CEP57L1: variants seen among roughly 807,000 people sequenced by gnomAD.
CEP57L1 encodes the protein centrosomal protein CEP57L1.
In CEP57L1, 37 loss-of-function variants were observed where a neutral mutation model predicts 61.0. The observed-to-expected ratio is 0.61, with a 90% CI of 0.47 to 0.80. The LOEUF (loss-of-function observed/expected upper bound fraction) is 0.80. Among genes scored for constraint, CEP57L1 ranks in the 30% least tolerant of loss-of-function variants. The pLI, the probability that CEP57L1 is intolerant of heterozygous loss-of-function variation, is 0.00. For missense variants in CEP57L1, 422 were observed against 524.7 expected (o/e 0.80, Z 1.91); for synonymous variants, 137 against 162.3 (o/e 0.84, Z 1.19).
At chr6:109,159,248 A>T in intron 8 of CEP57L1, 21 bp from the exon 9 acceptor site, 5 of 1,614,124 alleles carry the variant, frequency 3.1e-6, no homozygotes, top group Non-Finnish European at 4.2e-6. Flanking sequence ...TGTGAATGCA[A>T]GTATGCAAAA....
rs1781580845 is a variant in CEP57L1 at position 109,095,518 on chromosome 6, T to C, written c.-61T>C. On this transcript the variant is annotated 5_prime_UTR_variant, in exon 1 of 11. Transcript: ENST00000517392. The stretch of plus-strand genomic sequence containing the variant: ...CCAGGGGCCACCGCGACGTTGCCTG[T>C]GGGTGCCCGCGAACCAACGGTTAGC... 5 of 985,838 alleles carry C rather than the reference T, an allele frequency of 5.1e-6. No individual in the cohort carries two copies. The highest frequency in any genetic ancestry group is 6.0e-6 in the Non-Finnish European group (5 of 829,940). The allele number at this position is 985,838 out of a possible 1,614,324, so 61.1% of individuals were successfully genotyped here.
At chr6:109,137,235 T>A (rs373213058) in intron 1 of CEP57L1, among the ~76,000 whole-genome samples, 16 of 152,318 alleles carry the variant, frequency 1.1e-4, no homozygotes, top group East Asian at 9.6e-4. Flanking sequence ...TTTACTAAGT[T>A]ATAATTTTGT....
At chr6:109,146,705 G>T in intron 2 of CEP57L1, 53 bp from the exon 3 acceptor site, 1 of 1,182,470 alleles carries the variant, frequency 8.5e-7, no homozygotes, top group Non-Finnish European at 1.2e-6. Context: ...TACTTTGATT[G>T]TAAGTGTTCA....
intron 1 of CEP57L1, among the ~76,000 whole-genome samples, chr6:109,134,755 C>T (rs1481608744): frequency 6.6e-6 from 1 of 152,066 alleles, no homozygotes; most frequent in African/African-American, 2.4e-5. Flanking sequence ...CACAAGCATT[C>T]TTATACACCA....
At chr6:109,104,046 T>G (rs1039279199) in intron 1 of CEP57L1, among the ~76,000 whole-genome samples, 6 of 151,372 alleles carry the variant, frequency 4.0e-5, no homozygotes, top group Non-Finnish European at 7.4e-5. Flanking sequence ...TTTTGTTTTT[T>G]TTTTTTTCAA....
rs1043460607 is a variant in CEP57L1, at chr6:109,152,650, T to C, written c.463-1183T>C. Among the ~76,000 whole-genome samples, 42 of 98,478 alleles carry C rather than the reference T, an allele frequency of 4.3e-4. 1 individual carries two copies. The highest frequency in any genetic ancestry group is 4.0e-3 in the East Asian group (17 of 4,280). 64.6% of individuals were successfully genotyped at this position (98,478 alleles called of 152,430 possible). A position where few individuals can be genotyped will look rare whatever the true frequency, so the allele number is the denominator to read the frequency against. The stretch of plus-strand genomic sequence containing the variant: ...AGATGTGCGTGCGTGTGTGTGTGTG[T>C]GTGTGTGTGTGTGTGTGTGTGTGTG... On this transcript the variant is annotated intron_variant, in intron 4 of 10. Coordinates refer to ENST00000517392, the MANE Select transcript of CEP57L1 (RefSeq NM_001271852.3).
Position 109,171,534 on chromosome 6 carries a change from CG to C in CEP57L1, c.*8565del, listed in dbSNP as rs1379746027. On this transcript the variant is annotated 3_prime_UTR_variant, in exon 11 of 11. Coordinates refer to ENST00000517392, the MANE Select transcript of CEP57L1 (RefSeq NM_001271852.3). ...TGCTGGGATTACAGGTGTGAGCCAC[CG>C]CGCCCTGCCTAGAGTTTGATTCTCT... Among the ~76,000 whole-genome samples the C allele has an allele frequency of 2.0e-5, 3 of 151,972 alleles. No individual in the cohort carries two copies. The highest frequency in any genetic ancestry group is 4.4e-5 in the Non-Finnish European group (3 of 68,006).
chr6:109,112,194 T>C (rs1213046902), intron 1 of CEP57L1, among the ~76,000 whole-genome samples: 2 of 152,186 alleles, frequency 1.3e-5, no homozygotes, highest in Non-Finnish European at 2.9e-5. Context: ...GCCCCCTCAA[T>C]TTCAGAACCT....
At chr6:109,112,268 C>T (rs201847949) in intron 1 of CEP57L1, among the ~76,000 whole-genome samples, 30 of 151,966 alleles carry the variant, frequency 2.0e-4, no homozygotes, top group East Asian at 1.7e-3. Context: ...GTATGTGCCC[C>T]GGAATTTATC....
At chr6:109,162,480 A>G (rs919742682) in intron 10 of CEP57L1, among the ~76,000 whole-genome samples, 2 of 152,016 alleles carry the variant, frequency 1.3e-5, no homozygotes, top group African/African-American at 4.8e-5. Flanking sequence ...GGCTCAGAGT[A>G]TTCTCTAGTT....
chr6:109,106,470 A>C (rs1423698164), intron 1 of CEP57L1, among the ~76,000 whole-genome samples: 2 of 152,090 alleles, frequency 1.3e-5, no homozygotes, highest in South Asian at 2.1e-4. Context: ...CTTTTTCTTG[A>C]AACTCAATAC....
chr6:109,119,764 C>G (rs1002253291), intron 1 of CEP57L1, among the ~76,000 whole-genome samples: 1 of 152,004 alleles, frequency 6.6e-6, no homozygotes, highest in Admixed American at 6.6e-5. Context: ...TGTGCAGGAG[C>G]AGTATAAAGT....
chr6:109,109,135 A>G lies in CEP57L1; in HGVS notation c.-4+13560A>G, dbSNP rs575120856. ...CAATTACATGTCTCATAATATCTCA[A>G]TAGTAGTCTCCTGTGTAGAGCTGCT... On this transcript the variant is annotated intron_variant, in intron 1 of 10. Coordinates refer to ENST00000517392, the MANE Select transcript of CEP57L1 (RefSeq NM_001271852.3). Among the ~76,000 whole-genome samples, 3 of 152,300 alleles carry G rather than the reference A, an allele frequency of 2.0e-5. No individual in the cohort carries two copies. The South Asian group carries it at 6.2e-4, about 32-fold the overall frequency.
chr6:109,145,163 C>A (rs1158299381), intron 1 of CEP57L1, 56 bp from the exon 2 acceptor site: 1 of 1,095,984 alleles, frequency 9.1e-7, no homozygotes, highest in Non-Finnish European at 1.3e-6. Flanking sequence ...TTGTATAATG[C>A]ATTTACCCTT....
chr6:109,116,120 ATGTGT>A lies in CEP57L1; in HGVS notation c.-4+20552_-4+20556del, dbSNP rs1372221206. ...ATTTTATTTTATTTTATTTTATGTT[ATGTGT>A]TGTGTTATGTTATGTTATGTTATGT... On this transcript the variant is annotated intron_variant, in intron 1 of 10. Coordinates refer to ENST00000517392, the MANE Select transcript of CEP57L1 (RefSeq NM_001271852.3). 1.5e-3 allele frequency among the ~76,000 whole-genome samples: 203 copies of A among 136,420 alleles called. 4 individuals carry two copies. The highest frequency in any genetic ancestry group is 5.6e-3 in the African/African-American group (190 of 33,678). 89.5% of individuals were successfully genotyped at this position (136,420 alleles called of 152,430 possible). A position where few individuals can be genotyped will look rare whatever the true frequency, so the allele number is the denominator to read the frequency against.
chr6:109,099,710 C>T (rs536835966), intron 1 of CEP57L1, among the ~76,000 whole-genome samples: 72 of 152,066 alleles, frequency 4.7e-4, no homozygotes, highest in Middle Eastern at 3.4e-3. Context: ...CCACCATGCC[C>T]GGCTAATTTT....
In CEP57L1 at chr6:109,135,574, T is replaced by G. The variant is rs183502977; in HGVS notation, c.-3-9645T>G. 2.2e-3 allele frequency among the ~76,000 whole-genome samples: 342 copies of G among 152,208 alleles called. 5 individuals are homozygous for G. Among genetic ancestry groups the G allele is most frequent in the African/African-American group, 7.7e-3 (320 of 41,534 alleles). On this transcript the variant is annotated intron_variant, in intron 1 of 10. Coordinates refer to ENST00000517392, the MANE Select transcript of CEP57L1 (RefSeq NM_001271852.3). ...CCAAAATTGACAAATGGGATCTAAT[T>G]AAACTAAAGAGCTTCTGCCCAGCAA...
At chr6:109,107,109 C>T (rs796832394) in intron 1 of CEP57L1, among the ~76,000 whole-genome samples, 1 of 152,070 alleles carries the variant, frequency 6.6e-6, no homozygotes, top group Non-Finnish European at 1.5e-5. Context: ...TCAAAACAGA[C>T]CCTCAATTCT....
chr6:109,106,761 T>C lies in CEP57L1; in HGVS notation c.-4+11186T>C, dbSNP rs115337607. On this transcript the variant is annotated intron_variant, in intron 1 of 10. Coordinates refer to ENST00000517392, the MANE Select transcript of CEP57L1 (RefSeq NM_001271852.3). ...CTAAGCCAACATGGTGAAACCCCCC[T>C]GTCTCTACTAAAAATACAAAAAAAG... 8.3e-3 allele frequency among the ~76,000 whole-genome samples: 1,257 copies of C among 152,004 alleles called. 23 individuals are homozygous for C. The highest frequency in any genetic ancestry group is 0.029 in the African/African-American group (1,206 of 41,440).
Sources: gnomAD v4.1 joint callset for allele counts (sites outside exome capture counted in the v4.1 genomes callset) on GRCh38, gnomAD v4.1.1 for gene constraint, MANE v1.5 for transcripts, NCBI Gene and HGNC (gene_info 2026-07-23, HGNC 2026-07-21) for gene names.